The following PFDN1 variants were observed in gnomAD, a reference collection of about 807,000 sequenced individuals.
The protein encoded by PFDN1 is prefoldin 1.
In PFDN1, 6 loss-of-function variants were observed where a neutral mutation model predicts 17.3. That is an observed-to-expected ratio of 0.35 (90% confidence interval 0.19 to 0.69). PFDN1 has a LOEUF of 0.69. Ranked by LOEUF, PFDN1 falls within the 30% of genes least tolerant of loss-of-function variation. The probability of loss-of-function intolerance (pLI) is 0.65; values close to 1 mark genes in which losing one functional copy is unlikely to be tolerated. For missense variants in PFDN1, 113 were observed against 146.2 expected, an observed-to-expected ratio of 0.77 and a Z score of 1.17; for synonymous variants, 58 against 50.1, an observed-to-expected ratio of 1.16 and a Z score of -0.67.
At position 140,245,793 on chromosome 5, in the gene PFDN1, G is replaced by A. The variant is rs181692055; in HGVS notation, c.*181C>T. On this transcript the variant is annotated 3_prime_UTR_variant, in exon 4 of 4. Coordinates refer to ENST00000261813, the MANE Select transcript of PFDN1 (RefSeq NM_002622.5). The stretch of plus-strand genomic sequence containing the variant: ...CTGGGCAGAGGTGGCAGGCAAAGCC[G>A]GGTAAAAACTCCAGGGCTGGGAAGC... The A allele has an allele frequency of 3.7e-5, 23 of 614,458 alleles. No individual in the cohort carries two copies. The highest frequency in any genetic ancestry group is 6.1e-5 in the Non-Finnish European group (21 of 344,288). The allele number at this position is 614,458 out of a possible 1,614,324, so 38.1% of individuals were successfully genotyped here. A position where few individuals can be genotyped will look rare whatever the true frequency, so the allele number is the denominator to read the frequency against.
At chr5:140,249,824 A>G (rs1390740232) in intron 3 of PFDN1, among the ~76,000 whole-genome samples, 1 of 152,152 alleles carries the variant, frequency 6.6e-6, no homozygotes, top group African/African-American at 2.4e-5. Context: ...ACTCACTCCC[A>G]TGAGAATGGT....
intron 2 of PFDN1, among the ~76,000 whole-genome samples, chr5:140,283,252 A>C (rs1765436452): frequency 6.6e-6 from 1 of 151,614 alleles, no homozygotes; most frequent in Admixed American, 6.6e-5. Flanking sequence ...TTTTTTTTTG[A>C]GACGGAGTCT....
At chr5:140,259,188 A>C (rs1216130200) in intron 3 of PFDN1, among the ~76,000 whole-genome samples, 3 of 152,212 alleles carry the variant, frequency 2.0e-5, no homozygotes, top group Non-Finnish European at 2.9e-5. Flanking sequence ...GCGCTACATC[A>C]AGTGGCCTGT....
At chr5:140,293,312 TAA>T (rs757903422) in intron 2 of PFDN1, 80 of 130,274 alleles carry the variant, frequency 6.1e-4, no homozygotes, top group Admixed American at 7.8e-4. Flanking sequence ...CTTTGTCAGT[TAA>T]AAAAAAAAAA....
intron 3 of PFDN1, among the ~76,000 whole-genome samples, chr5:140,266,690 G>C (rs1236900555): frequency 6.6e-6 from 1 of 152,206 alleles, no homozygotes; most frequent in Admixed American, 6.5e-5. Context: ...CACAGAATGT[G>C]GAACACACAC....
intron 3 of PFDN1, among the ~76,000 whole-genome samples, chr5:140,247,431 C>T (rs192421617): frequency 1.6e-3 from 244 of 152,236 alleles, no homozygotes; most frequent in Middle Eastern, 3.4e-3. Flanking sequence ...TGAGCCACCG[C>T]GCTTAGCTAT....
intron 3 of PFDN1, among the ~76,000 whole-genome samples, chr5:140,276,802 A>AAAAG (rs1765301630): frequency 6.6e-6 from 1 of 151,340 alleles, no homozygotes; most frequent in Non-Finnish European, 1.5e-5. Context: ...AAAAAAAAAA[A>AAAAG]AAAGACTGAG....
chr5:140,289,049 G>A (rs1183924937), intron 2 of PFDN1, among the ~76,000 whole-genome samples: 2 of 152,290 alleles, frequency 1.3e-5, no homozygotes, highest in South Asian at 2.1e-4. Flanking sequence ...ACTTTGGGAG[G>A]CTGAGGTGAG....
Position 140,271,809 on chromosome 5 carries a change from C to T in PFDN1, c.285+9640G>A, listed in dbSNP as rs28510804. ...AACAACTCACAATCTCAAGAGATAA[C>T]ACAGATATACTTCACAAACACAACG... On this transcript the variant is annotated intron_variant, in intron 3 of 3. Coordinates refer to ENST00000261813, the MANE Select transcript of PFDN1 (RefSeq NM_002622.5). 5.5e-3 allele frequency among the ~76,000 whole-genome samples: 839 copies of T among 151,786 alleles called. 8 individuals are homozygous for T. Among genetic ancestry groups the T allele is most frequent in the African/African-American group, 0.02 (812 of 41,408 alleles).
rs1214097675 is a variant in PFDN1, at chr5:140,254,265, G to A, written c.286-8208C>T. 6.6e-6 allele frequency among the ~76,000 whole-genome samples: 1 copy of A among 152,110 alleles called. No homozygotes were observed. Among genetic ancestry groups the A allele is most frequent in the Non-Finnish European group, 1.5e-5 (1 of 68,022 alleles). On this transcript the variant is annotated intron_variant, in intron 3 of 3. Coordinates refer to ENST00000261813, the MANE Select transcript of PFDN1 (RefSeq NM_002622.5). This position sits in a 1 kb window ranked among gnomAD's most constrained non-coding sequence, Gnocchi z 4.4. ...CCAGTGTCTGTTCCTTAAAAAGATGGGGCTTTAAAGGGTAGGACTGAGTCC... is the reference window on the plus strand; with the variant it reads ...CCAGTGTCTGTTCCTTAAAAAGATGAGGCTTTAAAGGGTAGGACTGAGTCC...
At chr5:140,270,000 T>C (rs756269788) in intron 3 of PFDN1, among the ~76,000 whole-genome samples, 1 of 152,248 alleles carries the variant, frequency 6.6e-6, no homozygotes, top group Non-Finnish European at 1.5e-5. Flanking sequence ...TCTGAGCTGA[T>C]GTGTAGCATG....
intron 3 of PFDN1, among the ~76,000 whole-genome samples, chr5:140,268,490 T>G (rs2126684714): frequency 6.6e-6 from 1 of 152,010 alleles, no homozygotes; most frequent in East Asian, 1.9e-4. Flanking sequence ...TCTACTAAAA[T>G]ACAAAAATTA....
rs768764761 is a variant in PFDN1, at chr5:140,280,013, AC to A, written c.285+1435del. On this transcript the variant is annotated intron_variant, in intron 3 of 3. Coordinates refer to ENST00000261813, the MANE Select transcript of PFDN1 (RefSeq NM_002622.5). Reference sequence around the variant, plus strand: ...TCCGTCTCAAAAAAAAAAAAAAAAAACAAAAAAAGAAAAGAAAAGAAAAGAA... The same window carrying A: ...TCCGTCTCAAAAAAAAAAAAAAAAAAAAAAAAAGAAAAGAAAAGAAAAGAA... Among the ~76,000 whole-genome samples the A allele has an allele frequency of 1.5e-3, 154 of 103,970 alleles. 13 individuals are homozygous for A. The highest frequency in any genetic ancestry group is 3.5e-3 in the South Asian group (14 of 3,986). 68.2% of individuals were successfully genotyped at this position (103,970 alleles called of 152,430 possible). A position where few individuals can be genotyped will look rare whatever the true frequency, so the allele number is the denominator to read the frequency against.
rs116632287 is a variant in PFDN1, at chr5:140,252,294, C to T, written c.286-6237G>A. ...CTGAATAAAAATAGCCCTGCTGGCTCATCTCCTGCCCTCCAATCCAGGCAT... is the reference window on the plus strand; with the variant it reads ...CTGAATAAAAATAGCCCTGCTGGCTTATCTCCTGCCCTCCAATCCAGGCAT... On this transcript the variant is annotated intron_variant, in intron 3 of 3. Coordinates refer to ENST00000261813, the MANE Select transcript of PFDN1 (RefSeq NM_002622.5). 1.9e-3 allele frequency among the ~76,000 whole-genome samples: 293 copies of T among 152,300 alleles called. 1 individual carries two copies. Among genetic ancestry groups the T allele is most frequent in the African/African-American group, 6.9e-3 (285 of 41,556 alleles).
At chr5:140,253,109 T>C (rs147197314) in intron 3 of PFDN1, among the ~76,000 whole-genome samples, 1 of 152,194 alleles carries the variant, frequency 6.6e-6, no homozygotes, top group Non-Finnish European at 1.5e-5. Context: ...AAGAGAAATC[T>C]CGGAAGGAGT....
At chr5:140,260,906 A>C (rs1765055937) in intron 3 of PFDN1, among the ~76,000 whole-genome samples, 1 of 152,084 alleles carries the variant, frequency 6.6e-6, no homozygotes, top group African/African-American at 2.4e-5. Context: ...TCATGCCTGT[A>C]ATTCCAGCAC....
At chr5:140,292,993 T>G (rs1765600821) in intron 2 of PFDN1, 1 of 152,116 alleles carries the variant, frequency 6.6e-6, no homozygotes, top group African/African-American at 2.4e-5. Flanking sequence ...TCTCTCAGAT[T>G]AGATAGTAAG....
intron 3 of PFDN1, among the ~76,000 whole-genome samples, chr5:140,270,696 C>T (rs1239888583): frequency 2.6e-5 from 4 of 152,044 alleles, no homozygotes; most frequent in African/African-American, 7.2e-5. Context: ...GAGGCCGAGG[C>T]GGGCGGATAA....
At chr5:140,252,284 C>T (rs1419110823) in intron 3 of PFDN1, among the ~76,000 whole-genome samples, 1 of 152,080 alleles carries the variant, frequency 6.6e-6, no homozygotes, top group Non-Finnish European at 1.5e-5. Context: ...TAAAAATAGC[C>T]CTGCTGGCTC....
Sources: gnomAD v4.1 joint callset for allele counts (sites outside exome capture counted in the v4.1 genomes callset) on GRCh38, gnomAD v4.1.1 for gene constraint, Gnocchi (gnomAD v3.1) non-coding constraint, MANE v1.5 for transcripts, NCBI Gene and HGNC (gene_info 2026-07-23, HGNC 2026-07-21) for gene names.